PHACTR1: variants seen among roughly 807,000 people sequenced by gnomAD.
PHACTR1 encodes RPEL repeat containing 1.
PHACTR1 carries 16 observed loss-of-function variants against 69.2 expected under a neutral mutation model. That is an observed-to-expected ratio of 0.23 (90% CI 0.16 to 0.35). The LOEUF (loss-of-function observed/expected upper bound fraction) is 0.35, where lower values mean the gene tolerates loss of function less well. Among genes scored for constraint, PHACTR1 ranks in the 10% least tolerant of loss-of-function variants. The probability of loss-of-function intolerance (pLI) is 1.00; values close to 1 mark genes in which losing one functional copy is unlikely to be tolerated. For synonymous variants in PHACTR1, 312 were observed against 284.5 expected (o/e 1.10, Z -0.97); for missense variants, 510 against 734.7 (o/e 0.69, Z 3.54).
chr6:13,150,959 T>C (rs1220643010), intron 5 of PHACTR1, among the ~76,000 whole-genome samples: 1 of 152,212 alleles, frequency 6.6e-6, no homozygotes, highest in Non-Finnish European at 1.5e-5. Flanking sequence ...GCTGCAGTTA[T>C]TGTATCATAT....
chr6:12,992,021 C>T (rs1248388741), intron 4 of PHACTR1, among the ~76,000 whole-genome samples: 2 of 151,840 alleles, frequency 1.3e-5, no homozygotes, highest in East Asian at 1.9e-4. Context: ...CCAAATCCAC[C>T]GACAACACAC....
chr6:13,076,761 C>G (rs1810541844), intron 5 of PHACTR1, among the ~76,000 whole-genome samples: 1 of 151,732 alleles, frequency 6.6e-6, no homozygotes, highest in African/African-American at 2.4e-5. Context: ...AAGGGACATT[C>G]CAGATGCAGG....
At position 13,179,048 on chromosome 6, in the gene PHACTR1, C is replaced by A. The variant is rs1465646906; in HGVS notation, c.497-3471C>A. Among the ~76,000 whole-genome samples the A allele has an allele frequency of 6.6e-6, 1 of 152,056 alleles. No individual in the cohort carries two copies. The highest frequency in any genetic ancestry group is 1.5e-5 in the Non-Finnish European group (1 of 68,016). On this transcript the variant is annotated intron_variant, in intron 6 of 14. Coordinates refer to ENST00000332995, the MANE Select transcript of PHACTR1 (RefSeq NM_030948.6). The surrounding 1 kb of genome is among the most constrained non-coding windows in gnomAD (Gnocchi z 4.2). Reference sequence around the variant, plus strand: ...TCAAGGAGTTCCACATGAGGCTGGGCAACATGGCAAAACCCTGTCTCTACA... The same window carrying A: ...TCAAGGAGTTCCACATGAGGCTGGGAAACATGGCAAAACCCTGTCTCTACA...
chr6:13,180,584 G>A (rs1035568122), intron 6 of PHACTR1, among the ~76,000 whole-genome samples: 3 of 152,200 alleles, frequency 2.0e-5, no homozygotes, highest in African/African-American at 7.2e-5. Flanking sequence ...AACTTGGCAA[G>A]AGCCCTGAGA....
intron 10 of PHACTR1, among the ~76,000 whole-genome samples, chr6:13,259,297 C>T (rs186324321): frequency 5.9e-5 from 9 of 152,256 alleles, no homozygotes; most frequent in Admixed American, 3.3e-4. Context: ...GGCTCTCAAC[C>T]GTCTCACTGT....
At chr6:13,282,614 A>G (rs1780528270) in intron 12 of PHACTR1, among the ~76,000 whole-genome samples, 1 of 152,192 alleles carries the variant, frequency 6.6e-6, no homozygotes, top group Non-Finnish European at 1.5e-5. Context: ...CTCTTCAGCC[A>G]GCAGATTCCC....
Position 12,942,199 on chromosome 6 carries a change from G to GA in PHACTR1, c.251-111160dup, listed in dbSNP as rs541724821. Among the ~76,000 whole-genome samples the GA allele has an allele frequency of 1.0e-3, 152 of 152,234 alleles. 2 individuals carry two copies. The South Asian group carries it at 0.031, about 31-fold the overall frequency. ...ACAACAAAAAAAGAAGGAAAAAAGA[G>GA]AAAAAATTGATAATCCTCAAAATGA... On this transcript the variant is annotated intron_variant, in intron 4 of 14. Coordinates refer to ENST00000332995, the MANE Select transcript of PHACTR1 (RefSeq NM_030948.6).
intron 6 of PHACTR1, among the ~76,000 whole-genome samples, chr6:13,167,598 G>A (rs558243133): frequency 6.6e-6 from 1 of 152,282 alleles, no homozygotes; most frequent in African/African-American, 2.4e-5. Flanking sequence ...TACAGGGAGG[G>A]GAAAAGAGAT....
rs1762120118 is a variant in PHACTR1 at position 13,181,089 on chromosome 6, A to G, written c.497-1430A>G. 3.3e-5 allele frequency among the ~76,000 whole-genome samples: 5 copies of G among 151,646 alleles called. No individual in the cohort carries two copies. The South Asian group carries it at 1.0e-3, about 32-fold the overall frequency. On this transcript the variant is annotated intron_variant, in intron 6 of 14. Coordinates refer to ENST00000332995, the MANE Select transcript of PHACTR1 (RefSeq NM_030948.6). ...CATTCATTATATTTTTTCTATGCTT[A>G]TAGAAGATTCAGGTCAAACACCATA...
chr6:12,997,267 A>C (rs1300476129), intron 4 of PHACTR1, among the ~76,000 whole-genome samples: 1 of 147,980 alleles, frequency 6.8e-6, no homozygotes, highest in Admixed American at 6.8e-5. Context: ...AATATATATT[A>C]GTATATAGTA....
chr6:13,196,990 A>G (rs1411484911), intron 7 of PHACTR1, among the ~76,000 whole-genome samples: 2 of 152,210 alleles, frequency 1.3e-5, no homozygotes, highest in African/African-American at 4.8e-5. Context: ...CCAGGCTGGA[A>G]AGCATCAGGA....
At chr6:12,743,272 T>C (rs1378620671) in intron 3 of PHACTR1, among the ~76,000 whole-genome samples, 1 of 151,832 alleles carries the variant, frequency 6.6e-6, no homozygotes, top group Non-Finnish European at 1.5e-5. Flanking sequence ...TGAAACATAA[T>C]TTTTCTCTCT....
intron 5 of PHACTR1, among the ~76,000 whole-genome samples, chr6:13,138,065 T>C (rs1392771732): frequency 6.6e-6 from 1 of 152,158 alleles, no homozygotes; most frequent in Non-Finnish European, 1.5e-5. Context: ...CCCCAGTGTA[T>C]ACTGAGCTCA....
chr6:13,106,808 C>CT (rs1167473375), intron 5 of PHACTR1, among the ~76,000 whole-genome samples: 1 of 151,922 alleles, frequency 6.6e-6, no homozygotes, highest in African/African-American at 2.4e-5. Flanking sequence ...GATTTTTCTC[C>CT]TTTTTTCTAT....
Position 13,283,552 on chromosome 6 carries a change from C to G in PHACTR1, c.1640C>G (p.Ala547Gly). The G allele has an allele frequency of 1.2e-6, 2 of 1,613,872 alleles. No homozygotes were observed. Among genetic ancestry groups the G allele is most frequent in the Non-Finnish European group, 1.7e-6 (2 of 1,179,862 alleles). Residue 547 changes from alanine to glycine, a missense_variant, in exon 13 of 15, where the codon GCT becomes GGT. Transcript: ENST00000332995. This position sits in a 1 kb window ranked among gnomAD's most constrained non-coding sequence, Gnocchi z 4.7. ...RADKPWTRLT[A>G]ADKAAIRKEL... is the part of the protein sequence containing the mutation. Reference sequence around the variant, plus strand: ...GATAAGCCGTGGACCCGCCTCACCGCTGCAGACAAAGTAAGCAGAGGGGAG... The same window carrying G: ...GATAAGCCGTGGACCCGCCTCACCGGTGCAGACAAAGTAAGCAGAGGGGAG...
chr6:12,997,699 A>G (rs1165014044), intron 4 of PHACTR1, among the ~76,000 whole-genome samples: 1 of 152,180 alleles, frequency 6.6e-6, no homozygotes, highest in East Asian at 1.9e-4. Flanking sequence ...TCACGCCTGT[A>G]ATCTCAGCAC....
chr6:12,847,015 C>T (rs776107050), intron 4 of PHACTR1, among the ~76,000 whole-genome samples: 1 of 151,868 alleles, frequency 6.6e-6, no homozygotes, highest in Non-Finnish European at 1.5e-5. Context: ...TGGAGTTTCG[C>T]CATGTAGCCC....
rs10664160 is a variant in PHACTR1, at chr6:13,073,331, ATTTTTTTTT to A, written c.415+19824_415+19832del. Among the ~76,000 whole-genome samples, 20 of 65,690 alleles carry A rather than the reference ATTTTTTTTT, an allele frequency of 3.0e-4. 2 individuals are homozygous for A. Among genetic ancestry groups the A allele is most frequent in the South Asian group, 8.5e-4 (1 of 1,172 alleles). The allele number at this position is 65,690 out of a possible 152,430, so 43.1% of individuals were successfully genotyped here. On this transcript the variant is annotated intron_variant, in intron 5 of 14. Transcript: ENST00000332995. ...ATTCCTTCAACCAATCATTCCATGAATTTTTTTTTTTTTTTTTTTTTTTTTTTTTTGAGA... is the reference window on the plus strand; with the variant it reads ...ATTCCTTCAACCAATCATTCCATGAATTTTTTTTTTTTTTTTTTTTTGAGA...
intron 4 of PHACTR1, among the ~76,000 whole-genome samples, chr6:12,839,454 G>C (rs1279464785): frequency 2.0e-5 from 3 of 152,152 alleles, no homozygotes; most frequent in African/African-American, 7.2e-5. Context: ...GTGGGGTTCA[G>C]TAAAGTCAGG....
Sources: allele counts gnomAD v4.1 joint callset (sites outside exome capture counted in the v4.1 genomes callset), GRCh38; gene constraint gnomAD v4.1.1; non-coding constraint Gnocchi (gnomAD v3.1); transcripts MANE v1.5; gene names NCBI Gene and HGNC (gene_info 2026-07-23, HGNC 2026-07-21).